The following RGS6 variants were observed in gnomAD, a reference collection of about 807,000 sequenced individuals.
The protein encoded by RGS6 is regulator of G protein signaling 6.
RGS6 carries 30 observed loss-of-function variants against 78.5 expected under a neutral mutation model. The ratio of observed to expected loss-of-function variants is 0.38; its 90% CI spans 0.29 to 0.52. The LOEUF (loss-of-function observed/expected upper bound fraction) is 0.52, where lower values mean the gene tolerates loss of function less well. Among genes scored for constraint, RGS6 ranks in the 20% least tolerant of loss-of-function variants. RGS6 has a pLI of 0.85. For missense variants in RGS6, 495 were observed against 609.7 expected (o/e 0.81, Z 1.98); for synonymous variants, 206 against 206.0 (o/e 1.00, Z 0.00).
At chr14:72,381,204 T>C (rs952854984) in intron 3 of RGS6, among the ~76,000 whole-genome samples, 1 of 151,932 alleles carries the variant, frequency 6.6e-6, no homozygotes, top group Non-Finnish European at 1.5e-5. Context: ...GGATACAAAA[T>C]TACAGATAGA....
chr14:72,428,306 A>G (rs891168422), intron 3 of RGS6, among the ~76,000 whole-genome samples: 14 of 152,152 alleles, frequency 9.2e-5, no homozygotes, highest in African/African-American at 3.1e-4. Context: ...CACCTAATAC[A>G]TATTTATGTA....
chr14:72,475,452 C>T (rs2096215134), intron 10 of RGS6, among the ~76,000 whole-genome samples: 1 of 152,068 alleles, frequency 6.6e-6, no homozygotes, highest in African/African-American at 2.4e-5. Flanking sequence ...AAGAGTGGGC[C>T]AGGTACGGTG....
At chr14:72,607,980 TA>T in the RGS6 span, among the ~76,000 whole-genome samples, 1 of 152,162 alleles carries the variant, frequency 6.6e-6, no homozygotes, top group Non-Finnish European at 1.5e-5. Flanking sequence ...AGGGGAGGAA[TA>T]AAAAGTGACA....
intron 12 of RGS6, among the ~76,000 whole-genome samples, chr14:72,492,452 C>T (rs1410177478): frequency 2.6e-5 from 4 of 152,110 alleles, no homozygotes; most frequent in Non-Finnish European, 5.9e-5. Flanking sequence ...GAGAAGGGAG[C>T]GAGTGACCTT....
the RGS6 span, among the ~76,000 whole-genome samples, chr14:71,904,602 C>T: frequency 2.6e-5 from 4 of 152,360 alleles, no homozygotes; most frequent in Admixed American, 2.6e-4. Flanking sequence ...ACCAGCTCTA[C>T]TGCTATACTT....
At chr14:71,999,174 C>T (rs1353879342) in intron 2 of RGS6, among the ~76,000 whole-genome samples, 9 of 152,294 alleles carry the variant, frequency 5.9e-5, no homozygotes, top group African/African-American at 9.6e-5. Flanking sequence ...CAATAATTAT[C>T]GTAGGTTCTT....
chr14:72,102,591 T>C (rs1292120822), intron 2 of RGS6, among the ~76,000 whole-genome samples: 2 of 152,172 alleles, frequency 1.3e-5, no homozygotes, highest in African/African-American at 4.8e-5. Context: ...GGCATGTAGC[T>C]GCTACATGGT....
intron 2 of RGS6, among the ~76,000 whole-genome samples, chr14:72,129,757 C>T (rs771300177): frequency 5.3e-5 from 8 of 152,140 alleles, no homozygotes; most frequent in Non-Finnish European, 8.8e-5. Flanking sequence ...CCAGGCCTCC[C>T]AAAGGCTAAG....
Position 72,225,016 on chromosome 14 carries a change from T to G in RGS6, c.85-127079T>G, listed in dbSNP as rs566035710. The stretch of plus-strand genomic sequence containing the variant: ...GTTTTCCTACAAGAATATTAGAGAT[T>G]TACCCATCTTGAGTGGCAAGCCTAG... On this transcript the variant is annotated intron_variant, in intron 2 of 17. Coordinates refer to ENST00000553525, the MANE Select transcript of RGS6 (RefSeq NM_001204424.2). Among the ~76,000 whole-genome samples the G allele has an allele frequency of 3.4e-4, 52 of 152,326 alleles. 1 individual carries two copies. The South Asian group carries it at 0.01, about 30-fold the overall frequency.
intron 12 of RGS6, among the ~76,000 whole-genome samples, chr14:72,486,287 G>A (rs2153385659): frequency 6.6e-6 from 1 of 152,294 alleles, no homozygotes; most frequent in South Asian, 2.1e-4. Flanking sequence ...GCAGGAGAAT[G>A]GACTAATACA....
chr14:72,341,914 C>G (rs535562431), intron 2 of RGS6, among the ~76,000 whole-genome samples: 5,688 of 116,710 alleles, frequency 0.049, 373 homozygotes, highest in African/African-American at 0.19. Context: ...CTTATGTTCC[C>G]TGCCTTTTCC....
chr14:72,611,713 A>T, the RGS6 span, among the ~76,000 whole-genome samples: 9 of 152,172 alleles, frequency 5.9e-5, no homozygotes, highest in African/African-American at 2.2e-4. Flanking sequence ...AATGCTGAGG[A>T]TGCTGTCATC....
intron 2 of RGS6, among the ~76,000 whole-genome samples, chr14:72,231,044 T>C (rs935454708): frequency 6.6e-6 from 1 of 152,042 alleles, no homozygotes; most frequent in African/African-American, 2.4e-5. Flanking sequence ...AGAGAGTGGA[T>C]TGTTAAACTG....
At chr14:72,213,976 C>T (rs2044845649) in intron 2 of RGS6, among the ~76,000 whole-genome samples, 1 of 152,044 alleles carries the variant, frequency 6.6e-6, no homozygotes, top group South Asian at 2.1e-4. Flanking sequence ...TCACATTGTG[C>T]TGAAGAGGTA....
chr14:72,043,508 T>C (rs933406400), intron 2 of RGS6, among the ~76,000 whole-genome samples: 1 of 152,110 alleles, frequency 6.6e-6, no homozygotes, highest in Admixed American at 6.6e-5. Context: ...CTTTGCTGAA[T>C]ATAGAAATCT....
At chr14:72,143,630 C>T (rs912192728) in intron 2 of RGS6, among the ~76,000 whole-genome samples, 1 of 152,070 alleles carries the variant, frequency 6.6e-6, no homozygotes, top group African/African-American at 2.4e-5. Context: ...AATTAGTGGA[C>T]ACTTCAGCAA....
intron 2 of RGS6, among the ~76,000 whole-genome samples, chr14:72,127,148 A>G (rs535465509): frequency 6.6e-6 from 1 of 152,350 alleles, no homozygotes; most frequent in East Asian, 1.9e-4. Context: ...GGGCTACCCA[A>G]GTGAGGAGAC....
At chr14:72,584,585 C>G in the RGS6 span, among the ~76,000 whole-genome samples, 5 of 152,240 alleles carry the variant, frequency 3.3e-5, no homozygotes, top group Admixed American at 1.3e-4. Context: ...CAAGGTGAGA[C>G]AGGTTGATGC....
chr14:72,482,312 T>A (rs924483639), intron 12 of RGS6, among the ~76,000 whole-genome samples: 1 of 152,148 alleles, frequency 6.6e-6, no homozygotes, highest in African/African-American at 2.4e-5. Context: ...GATAATAATA[T>A]TCTTTGAATT....
Sources: allele counts gnomAD v4.1 joint callset (sites outside exome capture counted in the v4.1 genomes callset), GRCh38; gene constraint gnomAD v4.1.1; transcripts MANE v1.5; gene names NCBI Gene and HGNC (gene_info 2026-07-23, HGNC 2026-07-21).